CHD6: variants seen among roughly 807,000 people sequenced by gnomAD.
The protein encoded by CHD6 is ATP-dependent chromatin remodeler CHD6.
CHD6 carries 50 observed loss-of-function variants against 276.9 expected under a neutral mutation model. That is an observed-to-expected ratio of 0.18 (90% CI 0.14 to 0.23). The LOEUF (loss-of-function observed/expected upper bound fraction) is 0.23, where lower values mean the gene tolerates loss of function less well. Ranked by LOEUF, CHD6 falls within the 10% of genes least tolerant of loss-of-function variation. The pLI is 1.00. For missense variants in CHD6, 2,564 were observed against 3,365.8 expected (o/e 0.76, Z 5.89); for synonymous variants, 1,173 against 1,229.3 (o/e 0.95, Z 0.96).
intron 2 of CHD6, among the ~76,000 whole-genome samples, chr20:41,543,213 T>C (rs967276604): frequency 4.6e-5 from 7 of 152,062 alleles, no homozygotes; most frequent in Admixed American, 1.3e-4. Flanking sequence ...AACCTTAAGA[T>C]AGAGGCATAT....
chr20:41,479,554 C>G (rs962600420), intron 16 of CHD6, among the ~76,000 whole-genome samples: 1 of 151,794 alleles, frequency 6.6e-6, no homozygotes, highest in African/African-American at 2.4e-5. Flanking sequence ...AAAAGTGAAC[C>G]TAAAATTCTA....
chr20:41,560,858 G>A (rs1347990443), intron 1 of CHD6, among the ~76,000 whole-genome samples: 5 of 150,620 alleles, frequency 3.3e-5, no homozygotes, highest in Admixed American at 2.0e-4. Context: ...AACAGTCCCC[G>A]ATTCTACTCC....
At chr20:41,474,429 G>A (rs2043126673) in intron 16 of CHD6, among the ~76,000 whole-genome samples, 1 of 152,156 alleles carries the variant, frequency 6.6e-6, no homozygotes. Flanking sequence ...GACAGCTGCT[G>A]GGCGTCTTAT....
intron 4 of CHD6, among the ~76,000 whole-genome samples, chr20:41,513,458 T>C (rs918156600): frequency 1.3e-5 from 2 of 152,224 alleles, no homozygotes; most frequent in African/African-American, 4.8e-5. Context: ...CTTCTAAAAA[T>C]GTAGTTTGAA....
chr20:41,542,688 G>A (rs779189521), intron 2 of CHD6, among the ~76,000 whole-genome samples: 23 of 151,380 alleles, frequency 1.5e-4, no homozygotes, highest in Middle Eastern at 3.4e-3. Flanking sequence ...GCGAGACTCC[G>A]TCTCAAAAAA....
At chr20:41,561,491 A>C (rs1015284184) in intron 1 of CHD6, among the ~76,000 whole-genome samples, 1 of 152,086 alleles carries the variant, frequency 6.6e-6, no homozygotes, top group African/African-American at 2.4e-5. Context: ...GGAGTCCTTC[A>C]TCATTGTCTC....
intron 27 of CHD6, among the ~76,000 whole-genome samples, chr20:41,432,093 G>A (rs1359759347): frequency 6.7e-6 from 1 of 148,756 alleles, no homozygotes; most frequent in Non-Finnish European, 1.5e-5. Flanking sequence ...CTGGGAGGTG[G>A]AGATTGCAGG....
intron 27 of CHD6, among the ~76,000 whole-genome samples, chr20:41,430,854 ATTTTT>A (rs61590579): frequency 2.4e-5 from 3 of 127,598 alleles, no homozygotes; most frequent in African/African-American, 8.9e-5. Flanking sequence ...CAGAACATGA[ATTTTT>A]TTTTTTTTTT....
intron 3 of CHD6, among the ~76,000 whole-genome samples, chr20:41,520,676 CG>C (rs1906902833): frequency 1.4e-5 from 1 of 73,602 alleles, no homozygotes; most frequent in African/African-American, 5.7e-5. Flanking sequence ...GTTGTGGGGT[CG>C]GGGGAGGGGG....
At chr20:41,587,736 C>A (rs541163559) in intron 1 of CHD6, among the ~76,000 whole-genome samples, 13 of 152,128 alleles carry the variant, frequency 8.5e-5, no homozygotes, top group African/African-American at 3.1e-4. Context: ...CGCAGTGACA[C>A]ATCTAACTGA....
chr20:41,451,609 T>G (rs1375382726), intron 22 of CHD6, among the ~76,000 whole-genome samples: 1 of 152,122 alleles, frequency 6.6e-6, no homozygotes, highest in Non-Finnish European at 1.5e-5. Context: ...TGTGGGAAAC[T>G]TTAAGAGGGT....
rs374796022 is a variant in CHD6, at chr20:41,533,054, C to T, written c.550G>A (p.Ala184Thr). The T allele has an allele frequency of 1.6e-5, 26 of 1,588,222 alleles. No homozygotes were observed. The highest frequency in any genetic ancestry group is 2.0e-5 in the Non-Finnish European group (24 of 1,171,862). The change falls in exon 3 of 37, where the codon GCC (alanine) becomes ACC (threonine). Residue 184 changes from alanine to threonine, a missense_variant. Physicochemically the swap from Ala to Thr is moderately conservative, Grantham distance 58 (BLOSUM62 0). Coordinates refer to ENST00000373233, the MANE Select transcript of CHD6 (RefSeq NM_032221.5). ...DSAARTKSRK[A>T]SKEQGPTPVE... The stretch of plus-strand genomic sequence containing the variant: ...AGAAGGGAGAAAGGAACGTACCTGG[C>T]CTTCCTGGACTTCGTCCTGGCTGCA...
At chr20:41,526,490 C>T (rs189263820) in intron 3 of CHD6, among the ~76,000 whole-genome samples, 140 of 152,316 alleles carry the variant, frequency 9.2e-4, no homozygotes, top group African/African-American at 3.3e-3. Context: ...TAGTTGAGTT[C>T]TACTACTCTT....
intron 28 of CHD6, among the ~76,000 whole-genome samples, chr20:41,425,800 C>CA (rs926378086): frequency 6.8e-4 from 102 of 149,236 alleles, no homozygotes; most frequent in Admixed American, 1.4e-3. Context: ...AAAAAAAAAA[C>CA]AAAAAAAACA....
intron 1 of CHD6, among the ~76,000 whole-genome samples, chr20:41,554,161 GA>G (rs1180851408): frequency 6.6e-6 from 1 of 151,910 alleles, no homozygotes; most frequent in Admixed American, 6.6e-5. Context: ...CAAACAAAAC[GA>G]AACACTACAG....
Position 41,605,956 on chromosome 20 carries a change from C to G in CHD6, c.-24+12384G>C, listed in dbSNP as rs1039858285. 1.8e-4 allele frequency among the ~76,000 whole-genome samples: 28 copies of G among 152,122 alleles called. 1 individual carries two copies. The highest frequency in any genetic ancestry group is 1.5e-3 in the Admixed American group (23 of 15,276). On this transcript the variant is annotated intron_variant, in intron 1 of 36. Coordinates refer to ENST00000373233, the MANE Select transcript of CHD6 (RefSeq NM_032221.5). ...AAACCTCTATGAGGAATTCAAGGTA[C>G]AAAGAATGGGCCATGCACCCATGAG... is the stretch of plus-strand genomic sequence containing the variant.
intron 17 of CHD6, among the ~76,000 whole-genome samples, chr20:41,457,831 CAT>C (rs2048422696): frequency 6.6e-6 from 1 of 152,130 alleles, no homozygotes; most frequent in Non-Finnish European, 1.5e-5. Flanking sequence ...AATTTTCAAA[CAT>C]AGATCAAAAT....
intron 1 of CHD6, among the ~76,000 whole-genome samples, chr20:41,559,147 GACACAC>G (rs58169591): frequency 0.3 from 44,674 of 148,158 alleles, 7,646 homozygotes; most frequent in East Asian, 0.49. Flanking sequence ...GCCTGTTCCT[GACACAC>G]ACACACACAC....
Position 41,493,914 on chromosome 20 carries a change from C to T in CHD6, c.1123G>A (p.Val375Ile), listed in dbSNP as rs1303946285. 6.2e-7 allele frequency: 1 copy of T among 1,613,980 alleles called. No individual in the cohort carries two copies. Among genetic ancestry groups the T allele is most frequent in the South Asian group, 1.1e-5 (1 of 91,080 alleles). Reference sequence around the variant, plus strand: ...ACCTCCAAGATGCGATCAACTTCTACATAGTCTGGATTGAACAAGTCTTCA... The same window carrying T: ...ACCTCCAAGATGCGATCAACTTCTATATAGTCTGGATTGAACAAGTCTTCA... ...PDEDLFNPDYVEVDRILEVAH... is the reference protein window; with the variant it reads ...PDEDLFNPDYIEVDRILEVAH... The change falls in exon 9 of 37, where the codon GTA (valine) becomes ATA (isoleucine). Residue 375 changes from valine (V) to isoleucine (I), a missense_variant. Coordinates refer to ENST00000373233, the MANE Select transcript of CHD6 (RefSeq NM_032221.5).
Sources: allele counts gnomAD v4.1 joint callset (sites outside exome capture counted in the v4.1 genomes callset), GRCh38; gene constraint gnomAD v4.1.1; transcripts MANE v1.5; gene names NCBI Gene and HGNC (gene_info 2026-07-23, HGNC 2026-07-21).